SLC36A1: variants seen among roughly 807,000 people sequenced by gnomAD.
SLC36A1 encodes proton-coupled amino acid transporter 1.
Under a neutral mutation model 47.5 loss-of-function variants are expected in SLC36A1, and 30 were observed. The ratio of observed to expected loss-of-function variants is 0.63; its 90% CI spans 0.47 to 0.86. The LOEUF is 0.86. Among genes scored for constraint, SLC36A1 ranks in the 40% least tolerant of loss-of-function variants. The probability of loss-of-function intolerance (pLI) is 0.00; values close to 1 mark genes in which losing one functional copy is unlikely to be tolerated. For missense variants in SLC36A1, 517 were observed against 606.0 expected (o/e 0.85, Z 1.54); for synonymous variants, 255 against 249.7 (o/e 1.02, Z -0.20).
At chr5:151,390,521 A>AG in the SLC36A1 span, among the ~76,000 whole-genome samples, 1 of 152,210 alleles carries the variant, frequency 6.6e-6, no homozygotes, top group Non-Finnish European at 1.5e-5. Context: ...GTTTTCTTCT[A>AG]GGGTTTTTAT....
At chr5:151,511,065 G>A in the SLC36A1 span, 1 of 152,700 alleles carries the variant, frequency 6.5e-6, no homozygotes, top group Non-Finnish European at 1.5e-5. Flanking sequence ...CCCGGCTCCT[G>A]CTGGAAGGTG....
chr5:151,527,376 G>A, the SLC36A1 span: 3 of 1,602,132 alleles, frequency 1.9e-6, no homozygotes, highest in Middle Eastern at 1.7e-4. Flanking sequence ...ATAACTAGAG[G>A]CCTATTGCAA....
In SLC36A1 at chr5:151,489,103, G is replaced by A. The variant is rs528705511; in HGVS notation, c.*849G>A. The A allele has an allele frequency of 1.3e-5, 2 of 152,290 alleles. No individual in the cohort carries two copies. Among genetic ancestry groups the A allele is most frequent in the Non-Finnish European group, 2.9e-5 (2 of 68,026 alleles). 9.4% of individuals were successfully genotyped at this position (152,290 alleles called of 1,614,324 possible). On this transcript the variant is annotated 3_prime_UTR_variant, in exon 11 of 11. Coordinates refer to ENST00000243389, the MANE Select transcript of SLC36A1 (RefSeq NM_078483.4). This position sits in a 1 kb window ranked among gnomAD's most constrained non-coding sequence, Gnocchi z 4.5. ...GCATGGGTCCTCGGCACTCTTGGCT[G>A]AGGACTCAAAGGTTTTAATCAGGAT...
the SLC36A1 span, among the ~76,000 whole-genome samples, chr5:151,413,046 C>T: frequency 2.8e-5 from 4 of 144,744 alleles, no homozygotes; most frequent in African/African-American, 1.0e-4. Flanking sequence ...AAATGTTTAT[C>T]TTTCCCACTA....
chr5:151,412,830 A>G, the SLC36A1 span: 1 of 143,932 alleles, frequency 6.9e-6, no homozygotes, highest in Non-Finnish European at 1.5e-5. Context: ...ATTCCTGTCA[A>G]TCTTCAGCCC....
chr5:151,395,147 A>G, the SLC36A1 span, among the ~76,000 whole-genome samples: 2 of 152,164 alleles, frequency 1.3e-5, no homozygotes, highest in South Asian at 4.1e-4. Context: ...TTGCACTTCG[A>G]TCTCAGACTG....
chr5:151,398,633 G>A, the SLC36A1 span, among the ~76,000 whole-genome samples: 2 of 152,192 alleles, frequency 1.3e-5, no homozygotes, highest in South Asian at 2.1e-4. Context: ...CTGTGTTCCA[G>A]TGTGGTAATG....
In SLC36A1 at chr5:151,458,800, C is replaced by T. The variant is rs947195633; in HGVS notation, c.8C>T (p.Thr3Met). 8.1e-6 allele frequency: 13 copies of T among 1,613,810 alleles called. No homozygotes were observed. Among genetic ancestry groups the T allele is most frequent in the South Asian group, 2.2e-5 (2 of 91,076 alleles). The part of the protein sequence containing the change: MS[T>M]QRLRNEDYHD... Reference sequence around the variant, plus strand: ...CCTGTCCCCCCAGCTGCCATGTCCACGCAGAGACTTCGGAATGAAGACTAC... The same window carrying T: ...CCTGTCCCCCCAGCTGCCATGTCCATGCAGAGACTTCGGAATGAAGACTAC... The change falls in exon 2 of 11, where the codon ACG (threonine) becomes ATG (methionine). Residue 3 changes from threonine to methionine, a missense_variant. Thr to Met is a moderately conservative substitution (Grantham distance 81). Transcript: ENST00000243389.
the SLC36A1 span, chr5:151,505,926 A>C: frequency 1.3e-6 from 2 of 1,585,416 alleles, no homozygotes; most frequent in East Asian, 2.2e-5. Flanking sequence ...TTCCATCTCC[A>C]GGGGGAAGGG....
the SLC36A1 span, chr5:151,537,950 G>A: frequency 1.2e-6 from 2 of 1,613,354 alleles, no homozygotes; most frequent in Non-Finnish European, 1.7e-6. Flanking sequence ...AGAGAAGCTA[G>A]AGATGGAAAG....
chr5:151,415,652 A>G, the SLC36A1 span, among the ~76,000 whole-genome samples: 1 of 152,188 alleles, frequency 6.6e-6, no homozygotes, highest in Non-Finnish European at 1.5e-5. Flanking sequence ...CCATTGAGGT[A>G]GAGATTGTGT....
chr5:151,471,385 A>G (rs357629), intron 7 of SLC36A1, among the ~76,000 whole-genome samples: 58,858 of 152,074 alleles, frequency 0.39, 11,519 homozygotes, highest in East Asian at 0.5. Context: ...ATCAGTAAGT[A>G]TGTAGAATAA....
At chr5:151,457,854 GTT>G (rs35595732) in intron 1 of SLC36A1, among the ~76,000 whole-genome samples, 1 of 143,608 alleles carries the variant, frequency 7.0e-6, no homozygotes, top group Admixed American at 6.9e-5. Context: ...TTGTTTGTTT[GTT>G]TTTTTTTTTG....
At chr5:151,446,528 C>T (rs181950845), upstream of SLC36A1, among the ~76,000 whole-genome samples, 1,230 of 151,686 alleles carry the variant, frequency 8.1e-3, 8 homozygotes, top group Non-Finnish European at 0.01. Flanking sequence ...GCAACTTTGT[C>T]TCAAAGAAAA....
chr5:151,546,437 G>C, the SLC36A1 span: 1 of 809,076 alleles, frequency 1.2e-6, no homozygotes, highest in Non-Finnish European at 1.9e-6. Flanking sequence ...AACCTGGACA[G>C]AGCAAAATCT....
intron 10 of SLC36A1, among the ~76,000 whole-genome samples, chr5:151,482,790 A>G (rs560981502): frequency 2.0e-5 from 3 of 152,306 alleles, no homozygotes; most frequent in South Asian, 2.1e-4. Flanking sequence ...CAAACTTTGT[A>G]TACTGTCCAA....
the SLC36A1 span, chr5:151,377,939 A>C: frequency 6.2e-6 from 1 of 160,826 alleles, no homozygotes; most frequent in South Asian, 1.8e-4. Context: ...TATAAGTGGC[A>C]TACCGTTGGT....
At chr5:151,505,385 C>A in the SLC36A1 span, 1 of 710,736 alleles carries the variant, frequency 1.4e-6, no homozygotes, top group African/African-American at 1.8e-5. Context: ...TCCTCAGCTT[C>A]CCTCCACCCT....
chr5:151,429,389 C>T, the SLC36A1 span, among the ~76,000 whole-genome samples: 1 of 135,084 alleles, frequency 7.4e-6, no homozygotes, highest in Non-Finnish European at 1.5e-5. Context: ...TGATGTTCCC[C>T]TTCCTGTATC....
Sources: gnomAD v4.1 joint callset for allele counts (sites outside exome capture counted in the v4.1 genomes callset) on GRCh38, gnomAD v4.1.1 for gene constraint, Gnocchi (gnomAD v3.1) non-coding constraint, MANE v1.5 for transcripts, NCBI Gene and HGNC (gene_info 2026-07-23, HGNC 2026-07-21) for gene names.